Variants in ST3GAL4 observed in about 807,000 individuals in gnomAD.
ST3GAL4 encodes CMP-N-acetylneuraminate-beta-galactosamide-alpha-2,3-sialyltransferase 4.
ST3GAL4 carries 24 observed loss-of-function variants against 42.6 expected under a neutral mutation model. The observed-to-expected ratio is 0.56, with a 90% CI of 0.41 to 0.79. The LOEUF is 0.79. Among genes scored for constraint, ST3GAL4 ranks in the 30% least tolerant of loss-of-function variants. The probability of loss-of-function intolerance (pLI) is 0.00; values close to 1 mark genes in which losing one functional copy is unlikely to be tolerated. For missense variants in ST3GAL4, 311 were observed against 430.8 expected (o/e 0.72, Z 2.46); for synonymous variants, 135 against 163.2 (o/e 0.83, Z 1.32).
intron 1 of ST3GAL4, among the ~76,000 whole-genome samples, chr11:126,390,177 G>A (rs1200630311): frequency 6.6e-6 from 1 of 150,440 alleles, no homozygotes; most frequent in East Asian, 1.9e-4. Flanking sequence ...GCAAGACTCT[G>A]TCTCAAAAAA....
chr11:126,406,882 C>T lies in ST3GAL4; in HGVS notation c.102-61C>T. 1 of 1,491,778 alleles carries T rather than the reference C, an allele frequency of 6.7e-7. No individual in the cohort carries two copies. Among genetic ancestry groups the T allele is most frequent in the Non-Finnish European group, 9.3e-7 (1 of 1,071,354 alleles). 92.4% of individuals were successfully genotyped at this position (1,491,778 alleles called of 1,614,324 possible). A position where few individuals can be genotyped will look rare whatever the true frequency, so the allele number is the denominator to read the frequency against. On this transcript the variant is annotated intron_variant, in intron 3 of 10. Coordinates refer to ENST00000444328, the MANE Select transcript of ST3GAL4 (RefSeq NM_001254757.2). The surrounding 1 kb of genome is among the most constrained non-coding windows in gnomAD (Gnocchi z 5.4). ...TGCCGTGGGAGAAGGCTTAGGCTGC[C>T]TGGAACATGGGTCCCTGGGTCTGAC...
rs1422208202 is a variant in ST3GAL4, at chr11:126,363,860, T to A, written c.-61+8018T>A. 6.6e-6 allele frequency among the ~76,000 whole-genome samples: 1 copy of A among 152,240 alleles called. No individual in the cohort carries two copies. The highest frequency in any genetic ancestry group is 2.4e-5 in the African/African-American group (1 of 41,462). ...ACAGTGTTCTGTGTGAGGGTCTGGA[T>A]ACACTCCCCACCCTCCCAGGCCCGG... On this transcript the variant is annotated intron_variant, in intron 1 of 10. Coordinates refer to ENST00000444328, the MANE Select transcript of ST3GAL4 (RefSeq NM_001254757.2). This position sits in a 1 kb window ranked among gnomAD's most constrained non-coding sequence, Gnocchi z 4.6.
rs1250839362 is a variant in ST3GAL4 at position 126,359,750 on chromosome 11, T to TCCTTCCCC, written c.-61+3915_-61+3916insCCCTTCCC. Among the ~76,000 whole-genome samples the TCCTTCCCC allele has an allele frequency of 2.6e-5, 4 of 151,986 alleles. No individual in the cohort carries two copies. The highest frequency in any genetic ancestry group is 9.7e-5 in the African/African-American group (4 of 41,376). On this transcript the variant is annotated intron_variant, in intron 1 of 10. Transcript: ENST00000444328. The surrounding 1 kb of genome is among the most constrained non-coding windows in gnomAD (Gnocchi z 4.8). The stretch of plus-strand genomic sequence containing the variant: ...CTCCCTCCCTCCTTCCCTCCTTCCC[T>TCCTTCCCC]CCTTCCCTCCTTCCCCGTGGGCCCT...
rs1407970087 is a variant in ST3GAL4, at chr11:126,378,593, G to C, written c.-61+22751G>C. ...CAGCTATTTTTTTGTATTTTTAGTA[G>C]AGACAGGGTTTCACCGTGTTAGCCA... On this transcript the variant is annotated intron_variant, in intron 1 of 10. Transcript: ENST00000444328. The surrounding 1 kb of genome is among the most constrained non-coding windows in gnomAD (Gnocchi z 5.3). Among the ~76,000 whole-genome samples the C allele has an allele frequency of 6.6e-6, 1 of 152,118 alleles. No individual in the cohort carries two copies. The highest frequency in any genetic ancestry group is 2.4e-5 in the African/African-American group (1 of 41,422).
rs1952163259 is a variant in ST3GAL4 at position 126,359,030 on chromosome 11, CA to C, written c.-61+3189del. Reference sequence around the variant, plus strand: ...GAGTTCCTTTGTCCCACCTGCAGCTCATTCAAGCCTGTGCATGGGGGTTGGG... The same window carrying C: ...GAGTTCCTTTGTCCCACCTGCAGCTCTTCAAGCCTGTGCATGGGGGTTGGG... On this transcript the variant is annotated intron_variant, in intron 1 of 10. Coordinates refer to ENST00000444328, the MANE Select transcript of ST3GAL4 (RefSeq NM_001254757.2). This position sits in a 1 kb window ranked among gnomAD's most constrained non-coding sequence, Gnocchi z 4.8. Among the ~76,000 whole-genome samples the C allele has an allele frequency of 6.6e-6, 1 of 152,146 alleles. No homozygotes were observed. The highest frequency in any genetic ancestry group is 2.1e-4 in the South Asian group (1 of 4,824).
Position 126,406,305 on chromosome 11 carries a change from C to T in ST3GAL4, c.16+134C>T, listed in dbSNP as rs1954226993. ...GGGCCCTTCTCTTCATCTTGAAGGACAGTGGGTACAATCAGGGTCAAGCCC... is the reference window on the plus strand; with the variant it reads ...GGGCCCTTCTCTTCATCTTGAAGGATAGTGGGTACAATCAGGGTCAAGCCC... On this transcript the variant is annotated intron_variant, in intron 2 of 10. Transcript: ENST00000444328. The surrounding 1 kb of genome is among the most constrained non-coding windows in gnomAD (Gnocchi z 5.4). 2.6e-6 allele frequency: 4 copies of T among 1,541,434 alleles called. No individual in the cohort carries two copies. Among genetic ancestry groups the T allele is most frequent in the East Asian group, 2.4e-5 (1 of 40,982 alleles).
chr11:126,402,975 C>T (rs1347403621), intron 1 of ST3GAL4, among the ~76,000 whole-genome samples: 1 of 152,206 alleles, frequency 6.6e-6, no homozygotes, highest in East Asian at 1.9e-4. Flanking sequence ...GGATTCGATG[C>T]CTGCTTTCCC....
At chr11:126,356,988 G>A (rs937385721) in intron 1 of ST3GAL4, among the ~76,000 whole-genome samples, 1 of 152,230 alleles carries the variant, frequency 6.6e-6, no homozygotes, top group Non-Finnish European at 1.5e-5. Flanking sequence ...TAAGTGCTTT[G>A]AAAGGCGCCT....
intron 1 of ST3GAL4, among the ~76,000 whole-genome samples, chr11:126,404,787 C>T (rs1278912492): frequency 6.6e-6 from 1 of 152,238 alleles, no homozygotes; most frequent in Non-Finnish European, 1.5e-5. Flanking sequence ...TGGCTGTCTC[C>T]TCTGACTCAA....
Position 126,363,669 on chromosome 11 carries a change from G to A in ST3GAL4, c.-61+7827G>A, listed in dbSNP as rs1415164656. The stretch of plus-strand genomic sequence containing the variant: ...AGGACGGTGGGATCTTGTCTTTCTG[G>A]GGCCTCAGGGTCTCCAAAGATGGGC... On this transcript the variant is annotated intron_variant, in intron 1 of 10. Transcript: ENST00000444328. This position sits in a 1 kb window ranked among gnomAD's most constrained non-coding sequence, Gnocchi z 4.6. Among the ~76,000 whole-genome samples the A allele has an allele frequency of 6.6e-6, 1 of 152,096 alleles. No individual in the cohort carries two copies. Among genetic ancestry groups the A allele is most frequent in the East Asian group, 1.9e-4 (1 of 5,188 alleles).
rs1372785748 is a variant in ST3GAL4 at position 126,363,888 on chromosome 11, C to T, written c.-61+8046C>T. Among the ~76,000 whole-genome samples, 3 of 152,260 alleles carry T rather than the reference C, an allele frequency of 2.0e-5. No homozygotes were observed. Among genetic ancestry groups the T allele is most frequent in the African/African-American group, 4.8e-5 (2 of 41,470 alleles). ...ACTCCCCACCCTCCCAGGCCCGGCA[C>T]CGTGTCGCCCTGCCCCAGCCCAGAG... is the stretch of plus-strand genomic sequence containing the variant. On this transcript the variant is annotated intron_variant, in intron 1 of 10. Coordinates refer to ENST00000444328, the MANE Select transcript of ST3GAL4 (RefSeq NM_001254757.2). This position sits in a 1 kb window ranked among gnomAD's most constrained non-coding sequence, Gnocchi z 4.6.
intron 1 of ST3GAL4, among the ~76,000 whole-genome samples, chr11:126,371,163 C>CTTATTTTTTTTTTTTTTTTTTTT (rs1555082244): frequency 5.8e-4 from 35 of 59,964 alleles, no homozygotes; most frequent in Non-Finnish European, 9.1e-4. Context: ...CCCCACATTC[C>CTTATTTTTTTTTTTTTTTTTTTT]TTTTTTTTTT....
rs1952898516 is a variant in ST3GAL4, at chr11:126,378,547, T to C, written c.-61+22705T>C. 6.6e-6 allele frequency among the ~76,000 whole-genome samples: 1 copy of C among 152,142 alleles called. No homozygotes were observed. Among genetic ancestry groups the C allele is most frequent in the African/African-American group, 2.4e-5 (1 of 41,436 alleles). On this transcript the variant is annotated intron_variant, in intron 1 of 10. Transcript: ENST00000444328. This position sits in a 1 kb window ranked among gnomAD's most constrained non-coding sequence, Gnocchi z 5.3. ...CCTCAGCCTCCCAAGTAGCTGGGAC[T>C]ACAGGCACCACCACCACGCCCAGCT...
intron 1 of ST3GAL4, among the ~76,000 whole-genome samples, chr11:126,387,881 A>G (rs530864304): frequency 1.9e-4 from 29 of 152,314 alleles, no homozygotes; most frequent in African/African-American, 6.5e-4. Flanking sequence ...AGATATGGAT[A>G]TCGTTGTTTT....
intron 1 of ST3GAL4, among the ~76,000 whole-genome samples, chr11:126,401,392 A>T (rs1426739333): frequency 6.6e-6 from 1 of 151,746 alleles, no homozygotes; most frequent in African/African-American, 2.4e-5. Context: ...ACATGGTGAA[A>T]CCCCGTCTCT....
At chr11:126,377,171 ATGACACTTTTTTTTTT>A (rs1952853328) in intron 1 of ST3GAL4, among the ~76,000 whole-genome samples, 1 of 152,070 alleles carries the variant, frequency 6.6e-6, no homozygotes, top group Non-Finnish European at 1.5e-5. Context: ...TAACATAAAA[ATGACACTTTTTTTTTT>A]TGAGATCGAG....
intron 1 of ST3GAL4, among the ~76,000 whole-genome samples, chr11:126,362,040 C>A (rs976684465): frequency 6.6e-6 from 1 of 151,436 alleles, no homozygotes; most frequent in Non-Finnish European, 1.5e-5. Context: ...TGCCACTACT[C>A]CTGGCTAATT....
In ST3GAL4 at chr11:126,391,037, A is replaced by G. The variant is rs999670104; in HGVS notation, c.-60-15059A>G. Among the ~76,000 whole-genome samples the G allele has an allele frequency of 2.6e-5, 4 of 152,192 alleles. No homozygotes were observed. The highest frequency in any genetic ancestry group is 1.5e-5 in the Non-Finnish European group (1 of 68,044). On this transcript the variant is annotated intron_variant, in intron 1 of 10. Coordinates refer to ENST00000444328, the MANE Select transcript of ST3GAL4 (RefSeq NM_001254757.2). This position sits in a 1 kb window ranked among gnomAD's most constrained non-coding sequence, Gnocchi z 5.5. ...ATTTCCTTTCTTTTTCAGGCTGAAT[A>G]ATATTCCATTGTATGCGTAGACCAC...
intron 9 of ST3GAL4, among the ~76,000 whole-genome samples, chr11:126,412,792 C>T (rs1034801364): frequency 3.3e-5 from 5 of 152,214 alleles, no homozygotes; most frequent in Admixed American, 3.3e-4. Flanking sequence ...CACTTCCTTT[C>T]CTTTGAATGA....
Sources: gnomAD v4.1 joint callset for allele counts (sites outside exome capture counted in the v4.1 genomes callset) on GRCh38, gnomAD v4.1.1 for gene constraint, Gnocchi (gnomAD v3.1) non-coding constraint, MANE v1.5 for transcripts, NCBI Gene and HGNC (gene_info 2026-07-23, HGNC 2026-07-21) for gene names.